The following NXN variants were observed in gnomAD, a reference collection of about 807,000 sequenced individuals.
The protein encoded by NXN is nucleoredoxin 1.
NXN carries 16 observed loss-of-function variants against 48.6 expected under a neutral mutation model. The observed-to-expected ratio is 0.33, with a 90% CI of 0.22 to 0.50. The LOEUF is 0.50. Among genes scored for constraint, NXN ranks in the 20% least tolerant of loss-of-function variants. The pLI, the probability that NXN is intolerant of heterozygous loss-of-function variation, is 0.98. For synonymous variants in NXN, 281 were observed against 269.6 expected, an observed-to-expected ratio of 1.04 and a Z score of -0.41; for missense variants, 492 against 605.5, an observed-to-expected ratio of 0.81 and a Z score of 1.97.
intron 1 of NXN, among the ~76,000 whole-genome samples, chr17:885,738 T>C (rs751707843): frequency 1.5e-4 from 20 of 134,704 alleles, no homozygotes; most frequent in Non-Finnish European, 2.6e-4. Flanking sequence ...TGGAGTGCAG[T>C]GGCGCAATCT....
At chr17:952,145 GGA>G (rs2069118859) in intron 1 of NXN, among the ~76,000 whole-genome samples, 2 of 151,262 alleles carry the variant, frequency 1.3e-5, no homozygotes, top group African/African-American at 2.4e-5. Context: ...CAAGGCCACA[GGA>G]GGTTGCAGAA....
chr17:841,393 C>T (rs544060477), intron 1 of NXN, among the ~76,000 whole-genome samples: 15,618 of 84,134 alleles, frequency 0.19, 1,154 homozygotes, highest in Middle Eastern at 0.21. Context: ...CATCTCACGC[C>T]GGCGAGCAGG....
At chr17:879,002 T>C (rs2144829717) in intron 1 of NXN, among the ~76,000 whole-genome samples, 1 of 151,990 alleles carries the variant, frequency 6.6e-6, no homozygotes, top group Admixed American at 6.6e-5. Flanking sequence ...CTCTCTCTAC[T>C]AAAAATACAA....
At chr17:972,956 G>A (rs1160841712) in intron 1 of NXN, among the ~76,000 whole-genome samples, 3 of 151,828 alleles carry the variant, frequency 2.0e-5, no homozygotes, top group Non-Finnish European at 4.4e-5. Context: ...GCAGGAACCC[G>A]GGAGGCGGAG....
intron 1 of NXN, among the ~76,000 whole-genome samples, chr17:928,750 C>G (rs141240626): frequency 6.6e-6 from 1 of 152,088 alleles, no homozygotes; most frequent in Admixed American, 6.6e-5. Context: ...GAGGGAGAAT[C>G]GCTTGAACCC....
chr17:953,856 G>T (rs977841350), intron 1 of NXN, among the ~76,000 whole-genome samples: 1 of 152,120 alleles, frequency 6.6e-6, no homozygotes, highest in Admixed American at 6.6e-5. Flanking sequence ...AGGATTGCTT[G>T]AGCCCAGAGG....
rs367731885 is a variant in NXN, at chr17:919,542, G to A, written c.360+59777C>T. Among the ~76,000 whole-genome samples, 73 of 152,198 alleles carry A rather than the reference G, an allele frequency of 4.8e-4. No individual in the cohort carries two copies. The highest frequency in any genetic ancestry group is 1.7e-3 in the African/African-American group (71 of 41,522). On this transcript the variant is annotated intron_variant, in intron 1 of 7. Transcript: ENST00000336868. This position sits in a 1 kb window ranked among gnomAD's most constrained non-coding sequence, Gnocchi z 5.1. ...ATTAAAGTGGCAGTTTTGGGAGGAC[G>A]CAGTCAAACGGCTTTCTACAGCACC...
intron 1 of NXN, among the ~76,000 whole-genome samples, chr17:951,174 T>TAAAAAAAAAAAA (rs1567516128): frequency 1.5e-5 from 1 of 67,518 alleles, no homozygotes; most frequent in Non-Finnish European, 2.7e-5. Flanking sequence ...CTGTCTCTAC[T>TAAAAAAAAAAAA]TAAAAAAAAA....
intron 7 of NXN, among the ~76,000 whole-genome samples, chr17:803,035 G>A (rs1394658576): frequency 1.2e-4 from 18 of 152,320 alleles, no homozygotes; most frequent in Non-Finnish European, 2.2e-4. Flanking sequence ...GTGCTGAGTC[G>A]CGGAGACGCC....
intron 5 of NXN, among the ~76,000 whole-genome samples, chr17:812,401 A>G (rs1347718115): frequency 2.0e-5 from 3 of 152,188 alleles, no homozygotes; most frequent in African/African-American, 7.2e-5. Flanking sequence ...TCTGTGAAGG[A>G]ATCTTTATAC....
At chr17:974,887 C>T (rs918574494) in intron 1 of NXN, among the ~76,000 whole-genome samples, 1 of 151,400 alleles carries the variant, frequency 6.6e-6, no homozygotes, top group African/African-American at 2.4e-5. Flanking sequence ...AGTGTAGTGA[C>T]ACAAACATGG....
At chr17:858,510 G>A (rs551134123) in intron 1 of NXN, among the ~76,000 whole-genome samples, 20 of 151,796 alleles carry the variant, frequency 1.3e-4, no homozygotes, top group Non-Finnish European at 2.5e-4. Context: ...GGTAGATCAC[G>A]AGGTCAGGAG....
chr17:828,608 G>T (rs981325987), intron 1 of NXN, among the ~76,000 whole-genome samples: 1 of 151,460 alleles, frequency 6.6e-6, no homozygotes, highest in Non-Finnish European at 1.5e-5. Flanking sequence ...CGCCACATTG[G>T]CCAGGCTGGT....
intron 5 of NXN, among the ~76,000 whole-genome samples, chr17:811,267 G>C (rs1344660147): frequency 1.3e-5 from 2 of 152,182 alleles, no homozygotes; most frequent in African/African-American, 4.8e-5. Context: ...CCCTCAGGCC[G>C]TCCGCCCTCC....
chr17:908,301 G>C (rs1452484001), intron 1 of NXN, among the ~76,000 whole-genome samples: 1 of 152,138 alleles, frequency 6.6e-6, no homozygotes, highest in South Asian at 2.1e-4. Context: ...ACTTTGGGAG[G>C]CTGAGGCAGG....
intron 1 of NXN, among the ~76,000 whole-genome samples, chr17:929,104 A>ACT (rs558255731): frequency 9.2e-5 from 14 of 152,236 alleles, no homozygotes; most frequent in Non-Finnish European, 1.9e-4. Flanking sequence ...GTAAAACTTA[A>ACT]CTAGCTTCAC....
At chr17:804,274 C>CTTTT (rs11325268) in intron 6 of NXN, among the ~76,000 whole-genome samples, 7 of 88,932 alleles carry the variant, frequency 7.9e-5, no homozygotes, top group African/African-American at 5.3e-5. Flanking sequence ...TGGTCAGCGG[C>CTTTT]TTTTTTTTTT....
intron 1 of NXN, among the ~76,000 whole-genome samples, chr17:856,298 T>A (rs2067985559): frequency 1.3e-5 from 2 of 151,986 alleles, no homozygotes; most frequent in Admixed American, 6.6e-5. Flanking sequence ...GAGACGGACA[T>A]TCTAAAGTCA....
intron 1 of NXN, among the ~76,000 whole-genome samples, chr17:908,740 A>G (rs2068604349): frequency 6.6e-6 from 1 of 152,168 alleles, no homozygotes; most frequent in African/African-American, 2.4e-5. Context: ...TACAGGTGCC[A>G]TTAGGTGTAG....
Sources: gnomAD v4.1 joint callset for allele counts (sites outside exome capture counted in the v4.1 genomes callset) on GRCh38, gnomAD v4.1.1 for gene constraint, Gnocchi (gnomAD v3.1) non-coding constraint, MANE v1.5 for transcripts, NCBI Gene and HGNC (gene_info 2026-07-23, HGNC 2026-07-21) for gene names.